The following MED16 variants were observed in gnomAD, a reference collection of about 807,000 sequenced individuals.
MED16 encodes the protein mediator complex subunit 16.
MED16 carries 81 observed loss-of-function variants against 84.4 expected under a neutral mutation model. The ratio of observed to expected loss-of-function variants is 0.96; its 90% CI spans 0.80 to 1.15. The LOEUF (loss-of-function observed/expected upper bound fraction) is 1.15. Among genes scored for constraint, MED16 ranks in the 50% most tolerant of loss-of-function variants. The probability of loss-of-function intolerance (pLI) is 0.00; values close to 1 mark genes in which losing one functional copy is unlikely to be tolerated. For synonymous variants in MED16, 897 were observed against 552.2 expected (o/e 1.62, Z -8.76); for missense variants, 1,585 against 1,245.9 (o/e 1.27, Z -4.10).
chr19:878,936 C>A (rs1294237138), intron 8 of MED16, among the ~76,000 whole-genome samples: 6 of 147,006 alleles, frequency 4.1e-5, no homozygotes, highest in African/African-American at 1.3e-4. Flanking sequence ...CCGGCCCCGG[C>A]CCCGGCCCCG....
chr19:880,268 C>G (rs1014060878), intron 7 of MED16, 120 bp from the exon 8 acceptor site: 2 of 866,260 alleles, frequency 2.3e-6, no homozygotes, highest in East Asian at 3.3e-5. Context: ...GGTCAGCCCC[C>G]GCCAATCGGC....
At chr19:882,487 G>A (rs1047016548) in intron 6 of MED16, among the ~76,000 whole-genome samples, 1 of 152,170 alleles carries the variant, frequency 6.6e-6, no homozygotes, top group African/African-American at 2.4e-5. Flanking sequence ...TCACGCCACT[G>A]CACTCCAGCC....
chr19:891,264 G>T, intron 1 of MED16, 115 bp from the exon 2 acceptor site: 2 of 1,051,406 alleles, frequency 1.9e-6, no homozygotes, highest in Non-Finnish European at 2.7e-6. Context: ...AACAGCCGAT[G>T]CAAAGGCCCG....
Position 872,101 on chromosome 19 carries a change from C to T in MED16, c.1923G>A (p.Pro641=), listed in dbSNP as rs771663625. ...SLPNQGSLLR[P]GHSFLRDGTS... ...TGCCGTCCCGCAGAAAGCTGTGGCC[C>T]GGCCTCAGCAGGGAACCCTGCCCGA... Residue 641 remains proline (P), a synonymous_variant, in exon 12 of 16, where the codon CCG becomes CCA. Coordinates refer to ENST00000325464, the MANE Select transcript of MED16 (RefSeq NM_005481.3). 43 of 1,605,880 alleles carry T rather than the reference C, an allele frequency of 2.7e-5. No individual in the cohort carries two copies. The highest frequency in any genetic ancestry group is 1.5e-4 in the South Asian group (14 of 90,516).
At chr19:876,878 GGCC>G (rs1381722006) in intron 9 of MED16, 93 bp downstream of exon 9, 1 of 1,289,304 alleles carries the variant, frequency 7.8e-7, no homozygotes, top group African/African-American at 1.6e-5. Context: ...CCTGCCACGG[GGCC>G]CCCACCTGCC....
chr19:884,711 AAC>A (rs942893737), intron 6 of MED16, among the ~76,000 whole-genome samples, 190 bp downstream of exon 6: 14 of 152,150 alleles, frequency 9.2e-5, no homozygotes, highest in Non-Finnish European at 1.5e-4. Flanking sequence ...CTATACGCCT[AAC>A]ACACTCAGAA....
intron 4 of MED16, among the ~76,000 whole-genome samples, chr19:888,732 C>T (rs551066198): frequency 2.6e-5 from 4 of 152,246 alleles, no homozygotes; most frequent in South Asian, 2.1e-4. Context: ...GAGTGCACCC[C>T]GGAGGGCCCC....
At chr19:868,609 C>T (rs951499463) in intron 14 of MED16, 110 bp from the exon 15 acceptor site, 2 of 1,415,390 alleles carry the variant, frequency 1.4e-6, no homozygotes, top group African/African-American at 2.8e-5. Context: ...TCCCTCACGC[C>T]TGCTCCCCAC....
chr19:874,673 G>A (rs1048732531), intron 10 of MED16, among the ~76,000 whole-genome samples: 2 of 152,158 alleles, frequency 1.3e-5, no homozygotes, highest in African/African-American at 4.8e-5. Flanking sequence ...AGCTCAGGTG[G>A]TCAAGACCAG....
In MED16 at chr19:891,166, T is replaced by C; in HGVS notation, c.-18-17A>G. The C allele has an allele frequency of 6.3e-7, 1 of 1,591,796 alleles. No homozygotes were observed. Among genetic ancestry groups the C allele is most frequent in the Non-Finnish European group, 8.6e-7 (1 of 1,167,956 alleles). On this transcript the variant is annotated splice_polypyrimidine_tract_variant and intron_variant, in intron 1 of 15. Coordinates refer to ENST00000325464, the MANE Select transcript of MED16 (RefSeq NM_005481.3). ...CACCAGCTCCTGCGGGAGGGAGGTG[T>C]GGTGGGACGTCTATGTTGGCTGAGC...
rs1215266901 is a variant in MED16 at position 868,502 on chromosome 19, G to A, written c.2400-3C>T. 2 of 1,609,572 alleles carry A rather than the reference G, an allele frequency of 1.2e-6. No homozygotes were observed. The highest frequency in any genetic ancestry group is 1.3e-5 in the African/African-American group (1 of 74,932). On this transcript the variant is annotated splice_polypyrimidine_tract_variant and splice_region_variant and intron_variant, in intron 14 of 15. Transcript: ENST00000325464. ...TGAGCATGGTGACACAGCCGCACCT[G>A]CGGGGAGGCAGGCACTGAGCGGGTT...
chr19:870,912 C>A, intron 13 of MED16, 125 bp downstream of exon 13: 1 of 897,300 alleles, frequency 1.1e-6, no homozygotes, highest in South Asian at 1.7e-5. Flanking sequence ...GGCGGGGAGC[C>A]GTGTGGATTC....
chr19:885,082 C>A (rs573562486), intron 5 of MED16, 74 bp from the exon 6 acceptor site: 4 of 1,210,356 alleles, frequency 3.3e-6, no homozygotes, highest in South Asian at 1.3e-5. Flanking sequence ...GCCTGAGCTG[C>A]GGGACCCTGG....
In MED16 at chr19:880,010, G is replaced by A. The variant is rs183780401; in HGVS notation, c.1280C>T (p.Pro427Leu). 2.0e-4 allele frequency: 323 copies of A among 1,610,236 alleles called. No homozygotes were observed. The highest frequency in any genetic ancestry group is 4.2e-4 in the Admixed American group (25 of 59,726). Residue 427 changes from proline (P) to leucine (L), a missense_variant, in exon 8 of 16, where the codon CCC becomes CTC. Physicochemically the swap from Pro to Leu is moderately conservative, Grantham distance 98. Coordinates refer to ENST00000325464, the MANE Select transcript of MED16 (RefSeq NM_005481.3). ...CTGCATAGCCTTTAAGTGGACGGCGGGGCCCGCGGTGCGGGGGCGCTTCAT... is the reference window on the plus strand; with the variant it reads ...CTGCATAGCCTTTAAGTGGACGGCGAGGCCCGCGGTGCGGGGGCGCTTCAT... ...PAMKRPRTAG[P>L]AVHLKAMQLS...
chr19:871,270 CG>C lies in MED16; in HGVS notation c.2099-18del, dbSNP rs1354029444. 9.8e-6 allele frequency: 15 copies of C among 1,525,390 alleles called. No homozygotes were observed. Among genetic ancestry groups the C allele is most frequent in the Admixed American group, 4.0e-5 (2 of 50,506 alleles). The allele number at this position is 1,525,390 out of a possible 1,614,324, so 94.5% of individuals were successfully genotyped here. The stretch of plus-strand genomic sequence containing the variant: ...CATCGCGACCTGCGGAGAGAGGTGG[CG>C]GAAGTCTCAGCACCCCTGACTGGGG... On this transcript the variant is annotated intron_variant, in intron 12 of 15. Transcript: ENST00000325464.
chr19:871,171 G>A lies in MED16; in HGVS notation c.2181C>T (p.Pro727=), dbSNP rs375447353. ...CGCTGGCTGGCAGCCAGTCCAGGCTGGGGATAAGCAGCTGGCTGGGCAGCA... is the reference window on the plus strand; with the variant it reads ...CGCTGGCTGGCAGCCAGTCCAGGCTAGGGATAAGCAGCTGGCTGGGCAGCA... ...CCLLPSQLLI[P]SLDWLPASDG... is the part of the protein sequence containing the mutation. The change falls in exon 13 of 16, where the codon CCC becomes CCT. Residue 727 remains proline (P), a synonymous_variant. Transcript: ENST00000325464. 426 of 1,548,852 alleles carry A rather than the reference G, an allele frequency of 2.8e-4. 4 individuals are homozygous for A. The African/African-American group carries it at 4.9e-3, about 18-fold the overall frequency.
intron 11 of MED16, among the ~76,000 whole-genome samples, chr19:872,345 C>T (rs116313463): frequency 1.0e-3 from 157 of 152,104 alleles, no homozygotes; most frequent in African/African-American, 3.7e-3. Flanking sequence ...TCGTCCCATC[C>T]CTGAGAGTCC....
rs764889815 is a variant in MED16 at position 873,524 on chromosome 19, T to C, written c.1830A>G (p.Thr610=). Reference sequence around the variant, plus strand: ...GCAAGAGCTGCTGCAGCGCCTGCAGTGTGTTCATGTCCAGCACAAATTCCT... The same window carrying C: ...GCAAGAGCTGCTGCAGCGCCTGCAGCGTGTTCATGTCCAGCACAAATTCCT... ...KTEEFVLDMN[T]LQALQQLLQW... Residue 610 remains threonine, a synonymous_variant, in exon 11 of 16, where the codon ACA becomes ACG. Transcript: ENST00000325464. 39 of 1,612,162 alleles carry C rather than the reference T, an allele frequency of 2.4e-5. No individual in the cohort carries two copies. The highest frequency in any genetic ancestry group is 3.2e-5 in the Non-Finnish European group (38 of 1,179,724).
chr19:882,343 T>TA (rs1483885898), intron 6 of MED16, among the ~76,000 whole-genome samples: 2 of 151,758 alleles, frequency 1.3e-5, no homozygotes, highest in East Asian at 3.8e-4. Flanking sequence ...CCCCATTCTC[T>TA]ACAAAAAAAA....
Sources: gnomAD v4.1 joint callset for allele counts (sites outside exome capture counted in the v4.1 genomes callset) on GRCh38, gnomAD v4.1.1 for gene constraint, MANE v1.5 for transcripts, NCBI Gene and HGNC (gene_info 2026-07-23, HGNC 2026-07-21) for gene names.